Variants in ITGBL1 observed in about 807,000 individuals in gnomAD.
ITGBL1 encodes integrin subunit beta like 1.
In ITGBL1, 51 loss-of-function variants were observed where a neutral mutation model predicts 68.5. The observed-to-expected ratio is 0.74, with a 90% CI of 0.59 to 0.94. ITGBL1 has a LOEUF of 0.94. Among genes scored for constraint, ITGBL1 ranks in the 40% least tolerant of loss-of-function variants. The probability of loss-of-function intolerance (pLI) is 0.00; values close to 1 mark genes in which losing one functional copy is unlikely to be tolerated. For synonymous variants in ITGBL1, 209 were observed against 227.3 expected, an observed-to-expected ratio of 0.92 and a Z score of 0.72; for missense variants, 649 against 647.4, an observed-to-expected ratio of 1.00 and a Z score of -0.03.
At chr13:101,639,870 A>G (rs1203196925) in intron 7 of ITGBL1, among the ~76,000 whole-genome samples, 1 of 152,152 alleles carries the variant, frequency 6.6e-6, no homozygotes, top group African/African-American at 2.4e-5. Context: ...TCATTCACCC[A>G]TTTCCTGTCT....
chr13:101,496,467 G>T (rs2048859245), intron 2 of ITGBL1, among the ~76,000 whole-genome samples: 1 of 152,168 alleles, frequency 6.6e-6, no homozygotes, highest in Non-Finnish European at 1.5e-5. Context: ...ACATAATTGT[G>T]CTTGTGCTTG....
At chr13:101,596,578 C>T (rs1401454822) in intron 6 of ITGBL1, among the ~76,000 whole-genome samples, 1 of 152,044 alleles carries the variant, frequency 6.6e-6, no homozygotes, top group Non-Finnish European at 1.5e-5. Flanking sequence ...TCACTTATAC[C>T]TCAATAAATC....
At chr13:101,571,310 C>T (rs552182847) in intron 3 of ITGBL1, among the ~76,000 whole-genome samples, 11 of 152,114 alleles carry the variant, frequency 7.2e-5, no homozygotes, top group Admixed American at 7.2e-4. Flanking sequence ...CCCCTCTCCA[C>T]TTCCCCCCAC....
chr13:101,571,297 C>T (rs144852101), intron 3 of ITGBL1, among the ~76,000 whole-genome samples: 16 of 152,176 alleles, frequency 1.1e-4, no homozygotes, highest in African/African-American at 3.6e-4. Flanking sequence ...GATTTGCAGT[C>T]CACCCCTCTC....
At chr13:101,606,724 C>T (rs1292395675) in intron 7 of ITGBL1, among the ~76,000 whole-genome samples, 2 of 151,892 alleles carry the variant, frequency 1.3e-5, no homozygotes, top group Non-Finnish European at 2.9e-5. Context: ...CGTCTCTGAC[C>T]CATTAGCTTG....
At chr13:101,567,467 A>G (rs1171258214) in intron 2 of ITGBL1, among the ~76,000 whole-genome samples, 2 of 152,126 alleles carry the variant, frequency 1.3e-5, no homozygotes, top group Non-Finnish European at 2.9e-5. Flanking sequence ...TATTATCCTA[A>G]TGTCTTTATA....
chr13:101,646,005 C>T (rs2032544135), intron 7 of ITGBL1, among the ~76,000 whole-genome samples: 1 of 152,156 alleles, frequency 6.6e-6, no homozygotes, highest in African/African-American at 2.4e-5. Flanking sequence ...TAATGCTGTT[C>T]TCTGCCTAAT....
chr13:101,636,415 A>G lies in ITGBL1; in HGVS notation c.1015+38116A>G, dbSNP rs191999880. On this transcript the variant is annotated intron_variant, in intron 7 of 10. Transcript: ENST00000376180. Reference sequence around the variant, plus strand: ...TCTGAACAAATCAGAAACTTATGACATGTTTAATCAAGGGCTAACAGGAGG... The same window carrying G: ...TCTGAACAAATCAGAAACTTATGACGTGTTTAATCAAGGGCTAACAGGAGG... Among the ~76,000 whole-genome samples, 479 of 152,280 alleles carry G rather than the reference A, an allele frequency of 3.1e-3. 11 individuals are homozygous for G. The highest frequency in any genetic ancestry group is 0.023 in the Admixed American group (358 of 15,300).
chr13:101,456,838 C>A (rs1012848663), intron 2 of ITGBL1, among the ~76,000 whole-genome samples: 3 of 152,110 alleles, frequency 2.0e-5, no homozygotes, highest in Non-Finnish European at 4.4e-5. Flanking sequence ...TCGCTTGAAC[C>A]CGGCAGGCAG....
chr13:101,682,954 TG>T, intron 7 of ITGBL1, among the ~76,000 whole-genome samples: 1 of 152,074 alleles, frequency 6.6e-6, no homozygotes, highest in East Asian at 1.9e-4. Flanking sequence ...ATTTGAATGT[TG>T]AAACCCCTGG....
Position 101,683,907 on chromosome 13 carries a change from G to T in ITGBL1, c.1016-8678G>T, listed in dbSNP as rs75868069. ...CAGATCTCCTGCCCATGTCTTTAAT[G>T]GATTGTATGTATTTGTTGTTGTTGT... On this transcript the variant is annotated intron_variant, in intron 7 of 10. Coordinates refer to ENST00000376180, the MANE Select transcript of ITGBL1 (RefSeq NM_004791.3). 3.3e-3 allele frequency among the ~76,000 whole-genome samples: 505 copies of T among 151,906 alleles called. 3 individuals are homozygous for T. In the East Asian group the frequency reaches 0.037, roughly 11 times the overall value.
Position 101,671,426 on chromosome 13 carries a change from G to GTTTTTTTTTTTTTTTTTTTTTTTTTT in ITGBL1, c.1016-21149_1016-21148insTTTTTTTTTTTTTTTTTTTTTTTTTT, listed in dbSNP as rs66501713. On this transcript the variant is annotated intron_variant, in intron 7 of 10. Coordinates refer to ENST00000376180, the MANE Select transcript of ITGBL1 (RefSeq NM_004791.3). ...AGCTATTTGACAAAAGTATACCTTTGTTTTTTTTTTGTTTTTTTTTGTTTT... is the reference window on the plus strand; with the variant it reads ...AGCTATTTGACAAAAGTATACCTTTGTTTTTTTTTTTTTTTTTTTTTTTTTTTTTTTTTTTTGTTTTTTTTTGTTTT... Among the ~76,000 whole-genome samples the GTTTTTTTTTTTTTTTTTTTTTTTTTT allele has an allele frequency of 5.3e-5, 6 of 112,660 alleles. 2 individuals are homozygous for GTTTTTTTTTTTTTTTTTTTTTTTTTT. The highest frequency in any genetic ancestry group is 3.5e-4 in the East Asian group (1 of 2,848). The allele number at this position is 112,660 out of a possible 152,430, so 73.9% of individuals were successfully genotyped here.
intron 7 of ITGBL1, among the ~76,000 whole-genome samples, chr13:101,675,713 A>G (rs2033485209): frequency 6.6e-6 from 1 of 152,004 alleles, no homozygotes; most frequent in African/African-American, 2.4e-5. Context: ...TCATCCAATA[A>G]TAGCCGTGTA....
chr13:101,520,369 A>G (rs1193607938), intron 2 of ITGBL1, among the ~76,000 whole-genome samples: 1 of 152,112 alleles, frequency 6.6e-6, no homozygotes, highest in African/African-American at 2.4e-5. Context: ...AGAGAGCAGC[A>G]TTTATTTTGT....
intron 4 of ITGBL1, among the ~76,000 whole-genome samples, chr13:101,576,811 G>A (rs879160371): frequency 6.6e-6 from 1 of 151,968 alleles, no homozygotes; most frequent in Non-Finnish European, 1.5e-5. Flanking sequence ...TCATTTTTCC[G>A]AGCCAATGAC....
intron 7 of ITGBL1, among the ~76,000 whole-genome samples, chr13:101,673,457 A>G (rs886215883): frequency 2.6e-5 from 4 of 152,172 alleles, no homozygotes; most frequent in Admixed American, 2.0e-4. Context: ...AAATAAGGAG[A>G]TATTTGTGCT....
At chr13:101,514,454 T>C (rs2049164014) in intron 2 of ITGBL1, among the ~76,000 whole-genome samples, 1 of 152,118 alleles carries the variant, frequency 6.6e-6, no homozygotes, top group South Asian at 2.1e-4. Context: ...AAATTATTAT[T>C]ATTTTTTTTG....
chr13:101,537,502 A>G (rs1158208046), intron 2 of ITGBL1, among the ~76,000 whole-genome samples: 1 of 152,032 alleles, frequency 6.6e-6, no homozygotes, highest in Non-Finnish European at 1.5e-5. Flanking sequence ...GTGGCCTTGG[A>G]AAAGGTCAAA....
Position 101,706,878 on chromosome 13 carries a change from G to A in ITGBL1, c.1255G>A (p.Asp419Asn), listed in dbSNP as rs1298933482. The change falls in exon 9 of 11, where the codon GAT becomes AAT. Residue 419 changes from aspartate to asparagine, a missense_variant. Asp to Asn is a conservative substitution (Grantham distance 23, BLOSUM62 1). Coordinates refer to ENST00000376180, the MANE Select transcript of ITGBL1 (RefSeq NM_004791.3). The stretch of plus-strand genomic sequence containing the variant: ...AAGCAAGAATCTGTGTGAATCAGCA[G>A]ATGGCATATTGTGCTCGGGGAAGGG... ...EQSKNLCESA[D>N]GILCSGKGSC... 1 of 1,614,150 alleles carries A rather than the reference G, an allele frequency of 6.2e-7. No homozygotes were observed. Among genetic ancestry groups the A allele is most frequent in the East Asian group, 2.2e-5 (1 of 44,882 alleles).
Sources: allele counts gnomAD v4.1 joint callset (sites outside exome capture counted in the v4.1 genomes callset), GRCh38; gene constraint gnomAD v4.1.1; transcripts MANE v1.5; gene names NCBI Gene and HGNC (gene_info 2026-07-23, HGNC 2026-07-21).